Variants in FAM171A1 observed in about 807,000 individuals in gnomAD.
FAM171A1 encodes the protein family with sequence similarity 171 member A1.
FAM171A1 carries 23 observed loss-of-function variants against 74.9 expected under a neutral mutation model. The ratio of observed to expected loss-of-function variants is 0.31; its 90% CI spans 0.22 to 0.44. FAM171A1 has a LOEUF of 0.44. FAM171A1 is among the 20% of genes least tolerant of loss of function. The pLI, the probability that FAM171A1 is intolerant of heterozygous loss-of-function variation, is 1.00. For missense variants in FAM171A1, 1,162 were observed against 1,159.2 expected, an observed-to-expected ratio of 1.00 and a Z score of -0.03; for synonymous variants, 527 against 505.7, an observed-to-expected ratio of 1.04 and a Z score of -0.57.
chr10:15,269,916 C>T (rs1588524010), intron 3 of FAM171A1, among the ~76,000 whole-genome samples: 1 of 152,200 alleles, frequency 6.6e-6, no homozygotes. Context: ...TAAGTGGATT[C>T]CAGATCAGGT....
At chr10:15,275,680 A>G (rs1352780132) in intron 3 of FAM171A1, among the ~76,000 whole-genome samples, 175 bp downstream of exon 3, 2 of 152,206 alleles carry the variant, frequency 1.3e-5, no homozygotes, top group Non-Finnish European at 1.5e-5. Flanking sequence ...CAAATGTCTC[A>G]CTATAAAAAA....
intron 1 of FAM171A1, among the ~76,000 whole-genome samples, chr10:15,339,126 T>C (rs530483968): frequency 6.6e-6 from 1 of 152,330 alleles, no homozygotes; most frequent in African/African-American, 2.4e-5. Context: ...ACCTGGCAGA[T>C]ATTTTATTTT....
rs373490981 is a variant in FAM171A1, at chr10:15,276,362, G to GT, written c.326-416dup. Among the ~76,000 whole-genome samples, 531 of 152,096 alleles carry GT rather than the reference G, an allele frequency of 3.5e-3. 3 individuals carry two copies. The highest frequency in any genetic ancestry group is 0.012 in the African/African-American group (509 of 41,498). On this transcript the variant is annotated intron_variant, in intron 2 of 7. Coordinates refer to ENST00000378116, the MANE Select transcript of FAM171A1 (RefSeq NM_001010924.2). ...TGCCCAGATAATTTTTGCATTTTTG[G>GT]TAGATACAGGGTTTTACTGTGTTGG...
chr10:15,312,540 A>C (rs1835372140), intron 1 of FAM171A1, among the ~76,000 whole-genome samples: 1 of 151,736 alleles, frequency 6.6e-6, no homozygotes, highest in Non-Finnish European at 1.5e-5. Context: ...CTGTCCCTCC[A>C]TACCCCCAGG....
intron 5 of FAM171A1, among the ~76,000 whole-genome samples, chr10:15,239,710 T>C (rs1219445819): frequency 1.3e-5 from 2 of 152,190 alleles, no homozygotes; most frequent in Non-Finnish European, 2.9e-5. Flanking sequence ...GGAAAAGAGA[T>C]CCACTAAATA....
At chr10:15,344,538 G>A (rs1835798731) in intron 1 of FAM171A1, among the ~76,000 whole-genome samples, 1 of 152,132 alleles carries the variant, frequency 6.6e-6, no homozygotes, top group Non-Finnish European at 1.5e-5. Flanking sequence ...GAGCAACACT[G>A]TTTCCAACAA....
chr10:15,363,347 T>A (rs890718321), intron 1 of FAM171A1, among the ~76,000 whole-genome samples: 1 of 152,074 alleles, frequency 6.6e-6, no homozygotes, highest in East Asian at 1.9e-4. Flanking sequence ...AAGGACAAAT[T>A]AAAACTGAGA....
rs184282417 is a variant in FAM171A1 at position 15,212,658 on chromosome 10, G to C, written c.*257C>G. 7.6e-6 allele frequency: 4 copies of C among 527,428 alleles called. No homozygotes were observed. The highest frequency in any genetic ancestry group is 3.8e-5 in the Admixed American group (1 of 26,344). The allele number at this position is 527,428 out of a possible 1,614,324, so 32.7% of individuals were successfully genotyped here. ...TAATGTCCCTGGTGGCGGATACGCC[G>C]AGTCCTCGGAAGGACATCTGGACAC... On this transcript the variant is annotated 3_prime_UTR_variant, in exon 8 of 8. Coordinates refer to ENST00000378116, the MANE Select transcript of FAM171A1 (RefSeq NM_001010924.2).
At chr10:15,321,225 C>T (rs940933784) in intron 1 of FAM171A1, among the ~76,000 whole-genome samples, 1 of 152,082 alleles carries the variant, frequency 6.6e-6, no homozygotes, top group African/African-American at 2.4e-5. Context: ...ATATGAATTC[C>T]CTGCAGGAGA....
At chr10:15,271,447 T>A (rs1207275013) in intron 3 of FAM171A1, among the ~76,000 whole-genome samples, 1 of 152,168 alleles carries the variant, frequency 6.6e-6, no homozygotes, top group Non-Finnish European at 1.5e-5. Flanking sequence ...GGAACCAAGT[T>A]GGAAAACACT....
intron 5 of FAM171A1, among the ~76,000 whole-genome samples, chr10:15,245,222 C>T (rs555464125): frequency 5.5e-4 from 84 of 152,228 alleles, no homozygotes; most frequent in African/African-American, 1.6e-3. Flanking sequence ...TGCACCACCA[C>T]GCCCAGCTAA....
chr10:15,312,904 T>G (rs1191610574), intron 1 of FAM171A1, among the ~76,000 whole-genome samples: 1 of 151,716 alleles, frequency 6.6e-6, no homozygotes, highest in African/African-American at 2.4e-5. Flanking sequence ...AATGTTGGCC[T>G]GGCTGGTCTC....
chr10:15,272,634 A>C (rs1834841467), intron 3 of FAM171A1, among the ~76,000 whole-genome samples: 1 of 152,210 alleles, frequency 6.6e-6, no homozygotes, highest in Non-Finnish European at 1.5e-5. Flanking sequence ...TTGACCACAT[A>C]GTTGGGAGTA....
rs192623166 is a variant in FAM171A1, at chr10:15,228,226, C to A, written c.755-7166G>T. ...TAAGAAGCAGACAGACCTGATATTA[C>A]AAGCACTATTGACTTTGAAAAGATC... On this transcript the variant is annotated intron_variant, in intron 5 of 7. Coordinates refer to ENST00000378116, the MANE Select transcript of FAM171A1 (RefSeq NM_001010924.2). Among the ~76,000 whole-genome samples, 12 of 151,984 alleles carry A rather than the reference C, an allele frequency of 7.9e-5. No individual in the cohort carries two copies. In the East Asian group the frequency reaches 2.3e-3, roughly 29 times the overall value.
At chr10:15,326,982 A>G (rs968851315) in intron 1 of FAM171A1, among the ~76,000 whole-genome samples, 6 of 152,182 alleles carry the variant, frequency 3.9e-5, no homozygotes, top group Admixed American at 3.9e-4. Context: ...GTGGTTTTTC[A>G]TCACCAAAAT....
At chr10:15,269,529 T>A (rs1834794166) in intron 3 of FAM171A1, among the ~76,000 whole-genome samples, 1 of 152,152 alleles carries the variant, frequency 6.6e-6, no homozygotes, top group African/African-American at 2.4e-5. Flanking sequence ...AAACCTTCTT[T>A]GTGAGCTTTT....
At chr10:15,247,030 A>C (rs1834443601) in intron 5 of FAM171A1, among the ~76,000 whole-genome samples, 1 of 152,260 alleles carries the variant, frequency 6.6e-6, no homozygotes, top group Non-Finnish European at 1.5e-5. Flanking sequence ...AATTCTTCTA[A>C]AATGTCATCC....
At chr10:15,337,399 A>G (rs1355613638) in intron 1 of FAM171A1, among the ~76,000 whole-genome samples, 2 of 152,244 alleles carry the variant, frequency 1.3e-5, no homozygotes, top group African/African-American at 2.4e-5. Flanking sequence ...TTTAGTTTCA[A>G]TACATCAAAG....
At chr10:15,312,665 C>T (rs1222151014) in intron 1 of FAM171A1, among the ~76,000 whole-genome samples, 2 of 110,802 alleles carry the variant, frequency 1.8e-5, no homozygotes, top group Non-Finnish European at 3.3e-5. Context: ...ATGAGTTCAG[C>T]ACTGTGTGTT....
Sources: gnomAD v4.1 joint callset for allele counts (sites outside exome capture counted in the v4.1 genomes callset) on GRCh38, gnomAD v4.1.1 for gene constraint, MANE v1.5 for transcripts, NCBI Gene and HGNC (gene_info 2026-07-23, HGNC 2026-07-21) for gene names.